ACTA2: variants seen among roughly 807,000 people sequenced by gnomAD.
The protein encoded by ACTA2 is actin alpha 2, smooth muscle.
ACTA2 carries 12 observed loss-of-function variants against 39.5 expected under a neutral mutation model. The ratio of observed to expected loss-of-function variants is 0.30; its 90% CI spans 0.19 to 0.49. ACTA2 has a LOEUF of 0.49. ACTA2 is among the 20% of genes least tolerant of loss of function. ACTA2 has a pLI of 0.99. For missense variants in ACTA2, 236 were observed against 498.8 expected (o/e 0.47, Z 5.02); for synonymous variants, 158 against 180.6 (o/e 0.88, Z 1.00).
intron 1 of ACTA2, among the ~76,000 whole-genome samples, chr10:88,972,167 A>G (rs1365051763): frequency 6.6e-6 from 1 of 152,182 alleles, no homozygotes. Context: ...TCAGCCTCCC[A>G]AAGTGCTGAG....
chr10:88,985,760 T>G (rs1167489568), intron 1 of ACTA2, among the ~76,000 whole-genome samples: 2 of 152,144 alleles, frequency 1.3e-5, no homozygotes, highest in African/African-American at 4.8e-5. Context: ...TCCAGGCCCA[T>G]GAGGAGGGCC....
At position 88,965,134 on chromosome 10, in the gene ACTA2, G is replaced by T. The variant is rs147441004; in HGVS notation, c.-23-16181C>A. Among the ~76,000 whole-genome samples the T allele has an allele frequency of 5.1e-4, 78 of 152,236 alleles. 1 individual carries two copies. In the South Asian group the frequency reaches 0.014, roughly 27 times the overall value. The stretch of plus-strand genomic sequence containing the variant: ...CTTAGATGCATTTTTTCTACAGGGA[G>T]AATGCTCCAATCACTCCAGTGATTT... On this transcript the variant is annotated intron_variant, in intron 1 of 4. Coordinates refer to the ACTA2 transcript ENST00000415557.
chr10:88,943,978 G>T, intron 3 of ACTA2, 71 bp from the exon 4 acceptor site: 3 of 1,402,144 alleles, frequency 2.1e-6, no homozygotes, highest in African/African-American at 1.4e-5. Context: ...CCCAAAAAGG[G>T]ACCAGAAGCT....
upstream of ACTA2, among the ~76,000 whole-genome samples, chr10:88,956,155 G>T (rs1234596966): frequency 2.0e-5 from 3 of 152,168 alleles, no homozygotes; most frequent in African/African-American, 7.2e-5. Flanking sequence ...ACCCTGTGTT[G>T]GTTTCCTATT....
At chr10:88,941,171 T>C in intron 6 of ACTA2, 58 bp downstream of exon 6, 3 of 1,607,710 alleles carry the variant, frequency 1.9e-6, no homozygotes, top group Non-Finnish European at 2.6e-6. Flanking sequence ...AGGATGGTCC[T>C]GGAAGTTACT....
chr10:88,949,296 C>T (rs1846008196), intron 1 of ACTA2, among the ~76,000 whole-genome samples: 1 of 152,090 alleles, frequency 6.6e-6, no homozygotes, highest in Non-Finnish European at 1.5e-5. Flanking sequence ...GAGTCTGAGA[C>T]CAGATCTTTG....
upstream of ACTA2, among the ~76,000 whole-genome samples, chr10:88,956,105 C>T (rs1157963816): frequency 6.6e-6 from 1 of 152,164 alleles, no homozygotes; most frequent in African/African-American, 2.4e-5. Flanking sequence ...CTTTTTCAGA[C>T]AAAAGTGCAG....
Position 88,938,045 on chromosome 10 carries a change from T to C in ACTA2, c.990+16A>G, listed in dbSNP as rs1845776093. On this transcript the variant is annotated intron_variant, in intron 8 of 8. Transcript: ENST00000224784. ...CTGCTGGCGGCATTGCCACTGGGTCTGTCACTGAACAGTACCTTGATCTTC... is the reference window on the plus strand; with the variant it reads ...CTGCTGGCGGCATTGCCACTGGGTCCGTCACTGAACAGTACCTTGATCTTC... 3 of 1,613,834 alleles carry C rather than the reference T, an allele frequency of 1.9e-6. No individual in the cohort carries two copies. The South Asian group carries it at 3.3e-5, about 18-fold the overall frequency.
intron 6 of ACTA2, chr10:88,940,739 A>T (rs941344261): frequency 4.5e-6 from 1 of 220,874 alleles, no homozygotes; most frequent in Non-Finnish European, 9.2e-6. Flanking sequence ...ACTCTATGTC[A>T]AGTATTCCAC....
At chr10:88,963,794 G>C (rs1484129680) in intron 1 of ACTA2, among the ~76,000 whole-genome samples, 1 of 152,104 alleles carries the variant, frequency 6.6e-6, no homozygotes, top group African/African-American at 2.4e-5. Context: ...TCCGTGTTTG[G>C]CTTGTAAAGA....
At chr10:88,956,828 T>A (rs1846146132), upstream of ACTA2, among the ~76,000 whole-genome samples, 2 of 152,226 alleles carry the variant, frequency 1.3e-5, no homozygotes, top group East Asian at 1.9e-4. Flanking sequence ...GAGATTTATT[T>A]CTCACATTTC....
chr10:88,952,969 A>C (rs1205654453), upstream of ACTA2, among the ~76,000 whole-genome samples: 1 of 152,260 alleles, frequency 6.6e-6, no homozygotes, highest in Non-Finnish European at 1.5e-5. Context: ...TGGTCTGCTC[A>C]TGAAACGGGA....
chr10:88,955,238 G>A (rs1051443224), upstream of ACTA2, among the ~76,000 whole-genome samples: 1 of 152,218 alleles, frequency 6.6e-6, no homozygotes, highest in Non-Finnish European at 1.5e-5. Context: ...GCACTCTGTA[G>A]ATTTAGATTA....
chr10:88,935,778 T>C (rs1159340790), intron 8 of ACTA2, among the ~76,000 whole-genome samples: 1 of 152,238 alleles, frequency 6.6e-6, no homozygotes, highest in Non-Finnish European at 1.5e-5. Context: ...TTAATTGTGC[T>C]AGGACTTAGT....
intron 1 of ACTA2, among the ~76,000 whole-genome samples, chr10:88,979,884 A>G (rs1846667534): frequency 2.6e-5 from 4 of 151,424 alleles, no homozygotes; most frequent in Admixed American, 2.6e-4. Context: ...TAAAGCACCT[A>G]CAAAGGCTTT....
chr10:88,973,329 G>T (rs374602313), intron 1 of ACTA2: 2 of 1,554,154 alleles, frequency 1.3e-6, no homozygotes, highest in East Asian at 2.3e-5. Flanking sequence ...ACAAGAAGTG[G>T]AATGGAGAAG....
At chr10:88,991,035 G>A in exon 1 of ACTA2, 1 of 1,302,140 alleles carries the variant, frequency 7.7e-7, no homozygotes, top group Non-Finnish European at 1.1e-6. Flanking sequence ...GGAGCGGCGG[G>A]CTGCTGCGGG....
rs1473465595 is a variant in ACTA2 at position 88,943,861 on chromosome 10, T to G, written c.305A>C (p.Glu102Ala). 6.2e-7 allele frequency: 1 copy of G among 1,613,804 alleles called. No homozygotes were observed. Among genetic ancestry groups the G allele is most frequent in the Non-Finnish European group, 8.5e-7 (1 of 1,179,918 alleles). The change falls in exon 4 of 9, where the codon GAG (glutamate) becomes GCG (alanine). Residue 102 changes from glutamate (E) to alanine (A), a missense_variant. By Grantham distance (107) the Glu-to-Ala change is moderately radical. Coordinates refer to ENST00000224784, the MANE Select transcript of ACTA2 (RefSeq NM_001613.4). ...FYNELRVAPE[E>A]HPTLLTEAPL... ...TGCCTCCGTGAGCAGGGTGGGATGC[T>G]CTTCAGGGGCAACACGAAGCTCATT...
intron 4 of ACTA2, among the ~76,000 whole-genome samples, chr10:88,942,680 C>T (rs1845877439): frequency 6.6e-6 from 1 of 152,150 alleles, no homozygotes. Context: ...ATCTGTAAGA[C>T]CCTTCCTACT....
Sources: allele counts gnomAD v4.1 joint callset (sites outside exome capture counted in the v4.1 genomes callset), GRCh38; gene constraint gnomAD v4.1.1; transcripts MANE v1.5; gene names NCBI Gene and HGNC (gene_info 2026-07-23, HGNC 2026-07-21).